Variants in DIO1 observed in about 807,000 individuals in gnomAD.
DIO1 encodes type I iodothyronine deiodinase.
A neutral mutation model predicts 25.9 loss-of-function variants in DIO1; 17 were observed. The ratio of observed to expected loss-of-function variants is 0.66; its 90% confidence interval spans 0.45 to 0.98. The LOEUF (loss-of-function observed/expected upper bound fraction) is 0.98. Ranked by LOEUF, DIO1 falls within the 50% of genes least tolerant of loss-of-function variation. The pLI is 0.00. For missense variants in DIO1, 270 were observed against 310.4 expected, an observed-to-expected ratio of 0.87 and a Z score of 0.98; for synonymous variants, 115 against 114.0, an observed-to-expected ratio of 1.01 and a Z score of -0.05.
At chr1:53,900,686 G>T (rs1651312809) in intron 1 of DIO1, among the ~76,000 whole-genome samples, 1 of 152,102 alleles carries the variant, frequency 6.6e-6, no homozygotes, top group Non-Finnish European at 1.5e-5. Flanking sequence ...CACAGAGGGG[G>T]TATAGTTAAC....
intron 1 of DIO1, among the ~76,000 whole-genome samples, chr1:53,899,062 C>G (rs1242125063): frequency 6.6e-6 from 1 of 152,152 alleles, no homozygotes; most frequent in Non-Finnish European, 1.5e-5. Context: ...CCACCTCCAG[C>G]CCTCTGTGCG....
chr1:53,899,740 C>G (rs1175307678), intron 1 of DIO1, among the ~76,000 whole-genome samples: 2 of 152,168 alleles, frequency 1.3e-5, no homozygotes, highest in South Asian at 4.1e-4. Flanking sequence ...TGCAATGGCA[C>G]GATCGTAGCT....
intron 1 of DIO1, among the ~76,000 whole-genome samples, chr1:53,901,046 T>A (rs1333029732): frequency 1.5e-5 from 2 of 131,138 alleles, no homozygotes; most frequent in Non-Finnish European, 3.1e-5. Context: ...CCCAGGGTGG[T>A]CTTGAACTCA....
rs186267507 is a variant in DIO1 at position 53,906,801 on chromosome 1, C to T, written c.681+507C>T. Among the ~76,000 whole-genome samples the T allele has an allele frequency of 3.6e-3, 554 of 152,176 alleles. 6 individuals carry two copies. Among genetic ancestry groups the T allele is most frequent in the African/African-American group, 0.013 (531 of 41,528 alleles). ...CCTCCCAAGTAGCTGGGACTACAGG[C>T]GCACACCACGCCCAGCTAATTTTTG... On this transcript the variant is annotated intron_variant, in intron 3 of 3. Transcript: ENST00000361921.
At chr1:53,902,435 G>A (rs1181146079) in intron 1 of DIO1, among the ~76,000 whole-genome samples, 2 of 151,856 alleles carry the variant, frequency 1.3e-5, no homozygotes, top group African/African-American at 4.9e-5. Flanking sequence ...GTGTGGCAGG[G>A]AGACTTGCAT....
At chr1:53,908,688 T>C (rs1557627057) in intron 3 of DIO1, among the ~76,000 whole-genome samples, 2 of 152,112 alleles carry the variant, frequency 1.3e-5, no homozygotes, top group Non-Finnish European at 2.9e-5. Context: ...GAATAAACGA[T>C]TGGAGACATT....
At chr1:53,898,758 A>AG (rs1296061879) in intron 1 of DIO1, among the ~76,000 whole-genome samples, 3 of 145,756 alleles carry the variant, frequency 2.1e-5, no homozygotes, top group Admixed American at 7.0e-5. Flanking sequence ...AAAAAAAAAA[A>AG]AAAAAGAGAC....
At chr1:53,899,682 T>C (rs2100764665) in intron 1 of DIO1, among the ~76,000 whole-genome samples, 1 of 152,288 alleles carries the variant, frequency 6.6e-6, no homozygotes, top group South Asian at 2.1e-4. Flanking sequence ...GGTTCTTTAT[T>C]TTTTATTTTT....
intron 1 of DIO1, among the ~76,000 whole-genome samples, chr1:53,899,563 C>T (rs1422442202): frequency 6.6e-6 from 1 of 152,238 alleles, no homozygotes; most frequent in East Asian, 1.9e-4. Flanking sequence ...AAACAAATGG[C>T]TCTGTCTCTT....
At chr1:53,906,843 G>A (rs761080701) in intron 3 of DIO1, among the ~76,000 whole-genome samples, 2 of 151,998 alleles carry the variant, frequency 1.3e-5, no homozygotes, top group African/African-American at 2.4e-5. Context: ...TAGTAGAGAC[G>A]GGGTTTCACC....
intron 2 of DIO1, among the ~76,000 whole-genome samples, chr1:53,905,427 G>C (rs565102848): frequency 2.0e-5 from 3 of 151,940 alleles, no homozygotes; most frequent in Non-Finnish European, 1.5e-5. Flanking sequence ...TGCCCACCTC[G>C]GCCTCCCAAA....
At chr1:53,908,316 T>C (rs1349742050) in intron 3 of DIO1, among the ~76,000 whole-genome samples, 1 of 152,162 alleles carries the variant, frequency 6.6e-6, no homozygotes, top group South Asian at 2.1e-4. Flanking sequence ...ACTATTACAG[T>C]GTCCCAACTG....
At chr1:53,904,474 A>G (rs1359656962) in intron 1 of DIO1, among the ~76,000 whole-genome samples, 192 bp from the exon 2 acceptor site, 2 of 152,168 alleles carry the variant, frequency 1.3e-5, no homozygotes, top group Admixed American at 6.5e-5. Flanking sequence ...CTCATTTTAG[A>G]GAGGAGTAAA....
At chr1:53,902,337 C>CT (rs978483970) in intron 1 of DIO1, among the ~76,000 whole-genome samples, 2 of 151,746 alleles carry the variant, frequency 1.3e-5, no homozygotes, top group African/African-American at 2.4e-5. Context: ...CATTTACTTA[C>CT]TTTTTTTTGC....
chr1:53,909,190 C>A (rs1365778365), intron 3 of DIO1, among the ~76,000 whole-genome samples: 1 of 151,394 alleles, frequency 6.6e-6, no homozygotes, highest in African/African-American at 2.4e-5. Context: ...CCAAGGCGGG[C>A]AGGTCACTTG....
intron 2 of DIO1, among the ~76,000 whole-genome samples, chr1:53,905,208 G>A (rs184840026): frequency 9.6e-5 from 13 of 136,090 alleles, no homozygotes; most frequent in South Asian, 4.5e-4. Context: ...TTGTTCTGTC[G>A]CCTGAGCTGG....
chr1:53,906,384 G>A, intron 3 of DIO1, 90 bp downstream of exon 3: 2 of 1,177,232 alleles, frequency 1.7e-6, no homozygotes, highest in Non-Finnish European at 2.4e-6. Context: ...AGCAGAACTG[G>A]ATTCAAATCA....
At position 53,894,232 on chromosome 1, in the gene DIO1, C is replaced by T. The variant is rs1320956202; in HGVS notation, c.22C>T (p.Leu8=). 4 of 1,613,762 alleles carry T rather than the reference C, an allele frequency of 2.5e-6. No homozygotes were observed. Among genetic ancestry groups the T allele is most frequent in the African/African-American group, 1.3e-5 (1 of 74,930 alleles). MGLPQPG[L]WLKRLWVLLE... Reference sequence around the variant, plus strand: ...CGAGATGGGGCTGCCCCAGCCAGGGCTGTGGCTGAAGAGGCTCTGGGTGCT... The same window carrying T: ...CGAGATGGGGCTGCCCCAGCCAGGGTTGTGGCTGAAGAGGCTCTGGGTGCT... The change falls in exon 1 of 4, where the codon CTG becomes TTG. Residue 8 remains leucine (L), a synonymous_variant. Coordinates refer to ENST00000361921, the MANE Select transcript of DIO1 (RefSeq NM_000792.7). This position sits in a 1 kb window ranked among gnomAD's most constrained non-coding sequence, Gnocchi z 4.9.
chr1:53,906,228 C>T lies in DIO1; in HGVS notation c.615C>T (p.Ser205=), dbSNP rs780917187. 1 of 1,614,204 alleles carries T rather than the reference C, an allele frequency of 6.2e-7. No individual in the cohort carries two copies. Among genetic ancestry groups the T allele is most frequent in the Non-Finnish European group, 8.5e-7 (1 of 1,180,030 alleles). The change falls in exon 3 of 4, where the codon AGC becomes AGT. Residue 205 remains serine (S), a synonymous_variant. Coordinates refer to ENST00000361921, the MANE Select transcript of DIO1 (RefSeq NM_000792.7). ...TGGTGGACACCATGCAGAACCAGAGCAGCCAGCTCTACGCAGCACTGCCTG... is the reference window on the plus strand; with the variant it reads ...TGGTGGACACCATGCAGAACCAGAGTAGCCAGCTCTACGCAGCACTGCCTG... ...PVVVDTMQNQ[S]SQLYAALPER...
Sources: gnomAD v4.1 joint callset for allele counts (sites outside exome capture counted in the v4.1 genomes callset) on GRCh38, gnomAD v4.1.1 for gene constraint, Gnocchi (gnomAD v3.1) non-coding constraint, MANE v1.5 for transcripts, NCBI Gene and HGNC (gene_info 2026-07-23, HGNC 2026-07-21) for gene names.